The following SP140 variants were observed in gnomAD, a reference collection of about 807,000 sequenced individuals.
SP140 encodes SP140 nuclear body protein, also known as nuclear body protein SP140.
SP140 carries 81 observed loss-of-function variants against 125.0 expected under a neutral mutation model. The ratio of observed to expected loss-of-function variants is 0.65; its 90% CI spans 0.54 to 0.78. SP140 has a LOEUF of 0.78. Ranked by LOEUF, SP140 falls within the 30% of genes least tolerant of loss-of-function variation. SP140 has a pLI of 0.00. For missense variants in SP140, 858 were observed against 1,037.0 expected (o/e 0.83, Z 2.37); for synonymous variants, 312 against 354.0 (o/e 0.88, Z 1.33).
intron 1 of SP140, among the ~76,000 whole-genome samples, chr2:230,209,034 CAAAT>C (rs2044179184): frequency 6.6e-6 from 1 of 152,096 alleles, no homozygotes; most frequent in Non-Finnish European, 1.5e-5. Context: ...GAGGAAACAA[CAAAT>C]AAATAAGCAC....
At chr2:230,238,728 T>A (rs899044623) in intron 3 of SP140, 2 of 1,459,418 alleles carry the variant, frequency 1.4e-6, no homozygotes, top group African/African-American at 2.8e-5. Flanking sequence ...TTTGCAGATA[T>A]GTTCAAAGAT....
At chr2:230,195,870 A>G in the SP140 span, among the ~76,000 whole-genome samples, 3 of 152,194 alleles carry the variant, frequency 2.0e-5, no homozygotes, top group Non-Finnish European at 4.4e-5. Flanking sequence ...TACATAGCAT[A>G]TAGAAGGTTA....
chr2:230,188,288 A>G, the SP140 span, among the ~76,000 whole-genome samples: 3 of 152,090 alleles, frequency 2.0e-5, no homozygotes, highest in African/African-American at 7.2e-5. Context: ...TTTGATTCTC[A>G]GCTTGGTCAC....
chr2:230,304,781 T>G (rs2058603902), intron 22 of SP140, among the ~76,000 whole-genome samples: 1 of 152,134 alleles, frequency 6.6e-6, no homozygotes, highest in South Asian at 2.1e-4. Flanking sequence ...AAGACTTAAA[T>G]CTAAGACCTG....
intron 1 of SP140, chr2:230,213,123 G>T (rs746880251): frequency 1.6e-5 from 19 of 1,205,842 alleles, no homozygotes; most frequent in Non-Finnish European, 1.9e-5. Context: ...TAGGATGGGG[G>T]CATGGAGCTA....
upstream of SP140, among the ~76,000 whole-genome samples, chr2:230,199,220 TTTTTTTGAGA>T: frequency 2.1e-5 from 3 of 142,126 alleles, no homozygotes; most frequent in African/African-American, 7.8e-5. Context: ...TTTTTTTTTT[TTTTTTTGAGA>T]CAGAGTCTCA....
chr2:230,208,640 A>C (rs1036415209), intron 1 of SP140, among the ~76,000 whole-genome samples: 1 of 152,156 alleles, frequency 6.6e-6, no homozygotes, highest in Non-Finnish European at 1.5e-5. Context: ...AGAGGTTTGA[A>C]AAATAGGGCT....
At chr2:230,276,480 T>C (rs1487261147) in intron 15 of SP140, among the ~76,000 whole-genome samples, 1 of 152,176 alleles carries the variant, frequency 6.6e-6, no homozygotes, top group Non-Finnish European at 1.5e-5. Flanking sequence ...AAAAAAAGAT[T>C]CCTTTCAAAA....
intron 4 of SP140, among the ~76,000 whole-genome samples, chr2:230,242,357 C>T (rs2048843410): frequency 2.0e-5 from 3 of 152,178 alleles, no homozygotes; most frequent in Admixed American, 6.5e-5. Context: ...ATATCCATAA[C>T]TTTACAAGGG....
At chr2:230,288,513 CTTTCTTTCTTTT>C (rs2056728550) in intron 18 of SP140, among the ~76,000 whole-genome samples, 2 of 107,580 alleles carry the variant, frequency 1.9e-5, no homozygotes, top group East Asian at 4.4e-4. Flanking sequence ...TTCTTTCTTT[CTTTCTTTCTTTT>C]TTTATTCTTT....
intron 15 of SP140, among the ~76,000 whole-genome samples, chr2:230,280,519 G>T (rs2055387138): frequency 6.6e-6 from 1 of 152,020 alleles, no homozygotes; most frequent in South Asian, 2.1e-4. Flanking sequence ...TATATCTTCT[G>T]TGGTATTGTT....
Position 230,250,917 on chromosome 2 carries a change from C to T in SP140, c.977-64C>T, listed in dbSNP as rs1034317127. ...CAGCCCCACCTAGGAGATACTTCAGCTTCCCACGTCTTCACTAAGTTTTCT... is the reference window on the plus strand; with the variant it reads ...CAGCCCCACCTAGGAGATACTTCAGTTTCCCACGTCTTCACTAAGTTTTCT... On this transcript the variant is annotated intron_variant, in intron 9 of 26. Transcript: ENST00000392045. 1.9e-6 allele frequency: 3 copies of T among 1,579,626 alleles called. No individual in the cohort carries two copies. The African/African-American group carries it at 4.0e-5, about 21-fold the overall frequency.
chr2:230,208,438 G>A lies in SP140; in HGVS notation c.-323+5159G>A, dbSNP rs114552325. Among the ~76,000 whole-genome samples the A allele has an allele frequency of 3.3e-3, 508 of 152,284 alleles. 3 individuals are homozygous for A. Among genetic ancestry groups the A allele is most frequent in the African/African-American group, 0.012 (489 of 41,560 alleles). ...TTTAATGAATACTTGAGAGAGAAGG[G>A]ATCATGGATACTATAAGATGAGGCA... On this transcript the variant is annotated intron_variant, in intron 1 of 4. Transcript: ENST00000456542.
intron 3 of SP140, among the ~76,000 whole-genome samples, chr2:230,217,344 C>G (rs978702254): frequency 1.5e-4 from 23 of 151,892 alleles, no homozygotes; most frequent in Admixed American, 1.2e-3. Flanking sequence ...ATTCTGGTCC[C>G]AAAGGCATCC....
intron 1 of SP140, among the ~76,000 whole-genome samples, chr2:230,229,148 A>G (rs2046877938): frequency 6.6e-6 from 1 of 152,008 alleles, no homozygotes; most frequent in African/African-American, 2.4e-5. Flanking sequence ...TCATGAGTAG[A>G]GAATACACCA....
In SP140 at chr2:230,238,402, C is replaced by T. The variant is rs201480431; in HGVS notation, c.406+21C>T. On this transcript the variant is annotated intron_variant, in intron 3 of 26. Transcript: ENST00000392045. ...GAATGGTAACTATAGCTCTCAACAG[C>T]TTTGGGGGATTCAAGCCCATTTCAT... 1,432 of 1,591,546 alleles carry T rather than the reference C, an allele frequency of 9.0e-4. 23 individuals are homozygous for T. In the South Asian group the frequency reaches 0.013, roughly 15 times the overall value.
At chr2:230,228,694 T>C (rs944208143) in intron 1 of SP140, among the ~76,000 whole-genome samples, 4 of 152,218 alleles carry the variant, frequency 2.6e-5, no homozygotes, top group African/African-American at 7.2e-5. Context: ...TTGTCTGAAA[T>C]TGATATAGCT....
At chr2:230,221,198 T>C (rs1264815164), upstream of SP140, among the ~76,000 whole-genome samples, 1 of 151,774 alleles carries the variant, frequency 6.6e-6, no homozygotes, top group East Asian at 1.9e-4. Flanking sequence ...GGAGAATTGC[T>C]TGAACCCAGG....
At chr2:230,197,795 T>C in the SP140 span, among the ~76,000 whole-genome samples, 1 of 152,130 alleles carries the variant, frequency 6.6e-6, no homozygotes, top group Non-Finnish European at 1.5e-5. Context: ...ATTTATTAAA[T>C]AGGGAATCCT....
Sources: allele counts gnomAD v4.1 joint callset (sites outside exome capture counted in the v4.1 genomes callset), GRCh38; gene constraint gnomAD v4.1.1; transcripts MANE v1.5; gene names NCBI Gene and HGNC (gene_info 2026-07-23, HGNC 2026-07-21).